Variants in LSS observed in about 807,000 individuals in gnomAD.
LSS encodes lanosterol synthase.
In LSS, 90 loss-of-function variants were observed where a neutral mutation model predicts 110.3. The observed-to-expected ratio is 0.82, with a 90% CI of 0.69 to 0.97. LSS has a LOEUF of 0.97. LSS is among the 50% of genes least tolerant of loss of function. LSS has a pLI of 0.00. For missense variants in LSS, 927 were observed against 990.0 expected (o/e 0.94, Z 0.85); for synonymous variants, 433 against 400.0 (o/e 1.08, Z -0.98).
At chr21:46,219,929 C>T (rs556625657) in intron 5 of LSS, among the ~76,000 whole-genome samples, 6 of 152,282 alleles carry the variant, frequency 3.9e-5, no homozygotes, top group South Asian at 2.1e-4. Context: ...GGTGCACATG[C>T]GCCTGGAGAA....
intron 10 of LSS, 27 bp from the exon 11 acceptor site, chr21:46,213,079 G>A (rs772775934): frequency 5.5e-5 from 89 of 1,612,260 alleles, no homozygotes; most frequent in Non-Finnish European, 7.5e-5. Context: ...GCCCAAGTCA[G>A]GTGCAAGGAG....
rs1345062809 is a variant in LSS at position 46,191,140 on chromosome 21, C to G, written c.2163G>C (p.Gln721His). ...CAGCAAGGGCTCTCTCAGGGTACAG[C>G]TGGGAGAAGCGGCCGAGGGCCCAGA... ...FPIWALGRFS[Q>H]LYPERALAGH... Residue 721 changes from glutamine to histidine, a missense_variant, in exon 22 of 22, where the codon CAG becomes CAC. Physicochemically the swap from Gln to His is conservative, Grantham distance 24. Coordinates refer to ENST00000397728, the MANE Select transcript of LSS (RefSeq NM_002340.6). 5.6e-6 allele frequency: 9 copies of G among 1,614,188 alleles called. No homozygotes were observed. Among genetic ancestry groups the G allele is most frequent in the Non-Finnish European group, 7.6e-6 (9 of 1,180,038 alleles).
At chr21:46,208,426 TGCCG>T in intron 13 of LSS, 125 bp from the exon 14 acceptor site, 1 of 860,260 alleles carries the variant, frequency 1.2e-6, no homozygotes. Context: ...GAGCTTACTC[TGCCG>T]GCCACAGCCA....
intron 11 of LSS, among the ~76,000 whole-genome samples, chr21:46,212,700 A>G (rs1228716443): frequency 6.6e-6 from 1 of 152,208 alleles, no homozygotes; most frequent in East Asian, 1.9e-4. Flanking sequence ...AGAAGCCCCC[A>G]CTAACCAGAG....
chr21:46,217,049 C>G (rs763534597), intron 6 of LSS, among the ~76,000 whole-genome samples: 1 of 151,994 alleles, frequency 6.6e-6, no homozygotes, highest in African/African-American at 2.4e-5. Context: ...GAGTTTGAGA[C>G]CAGCCTGACC....
intron 3 of LSS, chr21:46,225,265 G>T: frequency 2.8e-6 from 1 of 354,228 alleles, no homozygotes; most frequent in South Asian, 2.2e-5. Flanking sequence ...GACATAGTGA[G>T]AAGTGACCAG....
chr21:46,213,824 G>A lies in LSS; in HGVS notation c.1023C>T (p.Thr341=), dbSNP rs889845697. 3 of 1,613,614 alleles carry A rather than the reference G, an allele frequency of 1.9e-6. No individual in the cohort carries two copies. Among genetic ancestry groups the A allele is most frequent in the Non-Finnish European group, 1.7e-6 (2 of 1,179,774 alleles). The change falls in exon 10 of 22, where the codon ACC becomes ACT. Residue 341 remains threonine, a synonymous_variant. Coordinates refer to ENST00000397728, the MANE Select transcript of LSS (RefSeq NM_002340.6). ...CATACCAGCGCACAAGCATGTTGAT[G>A]GTTTTCGAGATCTGCAGGAGAGACA... ...KSISIGPISK[T]INMLVRWYVD...
chr21:46,215,515 G>C (rs768237963), intron 8 of LSS, among the ~76,000 whole-genome samples, 170 bp downstream of exon 8: 5 of 151,520 alleles, frequency 3.3e-5, no homozygotes, highest in Non-Finnish European at 5.9e-5. Context: ...GAGAGTAGAA[G>C]ACCAGCTGGT....
At chr21:46,211,409 G>T (rs545695783) in intron 11 of LSS, among the ~76,000 whole-genome samples, 1 of 152,184 alleles carries the variant, frequency 6.6e-6, no homozygotes, top group Non-Finnish European at 1.5e-5. Context: ...GATTACAGGC[G>T]TGAGCCACCG....
chr21:46,225,608 T>G (rs959556412), intron 3 of LSS, among the ~76,000 whole-genome samples: 3 of 152,362 alleles, frequency 2.0e-5, no homozygotes, highest in African/African-American at 7.2e-5. Context: ...CACTTTCATG[T>G]TCCACCCTGT....
chr21:46,199,655 T>C (rs1204433205), intron 17 of LSS, among the ~76,000 whole-genome samples: 1 of 152,210 alleles, frequency 6.6e-6, no homozygotes, highest in Non-Finnish European at 1.5e-5. Flanking sequence ...CAATGGAATA[T>C]TATTCAGCAC....
rs1168366299 is a variant in LSS at position 46,190,945 on chromosome 21, CCCAT to C, written c.*155_*158del. 6 of 777,652 alleles carry C rather than the reference CCCAT, an allele frequency of 7.7e-6. No homozygotes were observed. The highest frequency in any genetic ancestry group is 1.2e-5 in the Non-Finnish European group (6 of 503,076). 48.2% of individuals were successfully genotyped at this position (777,652 alleles called of 1,614,324 possible). On this transcript the variant is annotated 3_prime_UTR_variant, in exon 22 of 22. Coordinates refer to ENST00000397728, the MANE Select transcript of LSS (RefSeq NM_002340.6). This position sits in a 1 kb window ranked among gnomAD's most constrained non-coding sequence, Gnocchi z 4.6. ...AAGAGTCTAAGCCACCCACCCTGTC[CCCAT>C]CCCTGCCTCCAGCCTGGCCCCCAGA...
chr21:46,204,431 G>A (rs2080020050), intron 17 of LSS, among the ~76,000 whole-genome samples: 1 of 151,470 alleles, frequency 6.6e-6, no homozygotes, highest in South Asian at 2.1e-4. Flanking sequence ...AGAAGGAAGA[G>A]GAGGATGTCA....
At chr21:46,224,688 TAGG>T (rs1395589296) in intron 3 of LSS, 2 of 152,246 alleles carry the variant, frequency 1.3e-5, no homozygotes, top group African/African-American at 2.4e-5. Flanking sequence ...ATGGTGGGGC[TAGG>T]AGGTCAGACC....
At chr21:46,191,331 T>C in intron 21 of LSS, 96 bp from the exon 22 acceptor site, 1 of 1,414,452 alleles carries the variant, frequency 7.1e-7, no homozygotes, top group Non-Finnish European at 9.9e-7. Flanking sequence ...GGCTGGCTTG[T>C]GGGTGAGTCA....
intron 9 of LSS, among the ~76,000 whole-genome samples, chr21:46,214,242 C>T (rs537906582): frequency 6.6e-6 from 1 of 152,306 alleles, no homozygotes; most frequent in Admixed American, 6.5e-5. Context: ...GGACCACTTG[C>T]CCCCCTTCTT....
At chr21:46,226,259 C>A (rs1162348281) in intron 3 of LSS, among the ~76,000 whole-genome samples, 1 of 152,206 alleles carries the variant, frequency 6.6e-6, no homozygotes. Flanking sequence ...ACTGACCAAG[C>A]ACCACTGCAT....
chr21:46,204,062 G>A (rs960836419), intron 17 of LSS, among the ~76,000 whole-genome samples: 16 of 152,214 alleles, frequency 1.1e-4, no homozygotes, highest in African/African-American at 3.6e-4. Flanking sequence ...GGAGGCCAAG[G>A]AAGGTGGATC....
rs10550493 is a variant in LSS at position 46,227,704 on chromosome 21, GAAA to G, written c.181-17_181-15del. On this transcript the variant is annotated splice_polypyrimidine_tract_variant and intron_variant, in intron 2 of 21. Coordinates refer to ENST00000397728, the MANE Select transcript of LSS (RefSeq NM_002340.6). ...AAAGTAATTCTTCTGCAAAGAGATCGAAAAAAAAAAAAAGAGATAGCTGACGGG... is the reference window on the plus strand; with the variant it reads ...AAAGTAATTCTTCTGCAAAGAGATCGAAAAAAAAAAGAGATAGCTGACGGG... 3,468 of 1,441,154 alleles carry G rather than the reference GAAA, an allele frequency of 2.4e-3. No homozygotes were observed. Among genetic ancestry groups the G allele is most frequent in the Admixed American group, 6.6e-3 (347 of 52,190 alleles). 89.3% of individuals were successfully genotyped at this position (1,441,154 alleles called of 1,614,324 possible). A position where few individuals can be genotyped will look rare whatever the true frequency, so the allele number is the denominator to read the frequency against.
Sources: allele counts gnomAD v4.1 joint callset (sites outside exome capture counted in the v4.1 genomes callset), GRCh38; gene constraint gnomAD v4.1.1; non-coding constraint Gnocchi (gnomAD v3.1); transcripts MANE v1.5; gene names NCBI Gene and HGNC (gene_info 2026-07-23, HGNC 2026-07-21).